KCNMA1: variants seen among roughly 807,000 people sequenced by gnomAD.
KCNMA1 encodes potassium calcium-activated channel subfamily M alpha 1.
KCNMA1 carries 29 observed loss-of-function variants against 140.0 expected under a neutral mutation model. The observed-to-expected ratio is 0.21, with a 90% CI of 0.15 to 0.28. The LOEUF is 0.28. Among genes scored for constraint, KCNMA1 ranks in the 10% least tolerant of loss-of-function variants. The pLI is 1.00. For missense variants in KCNMA1, 880 were observed against 1,602.2 expected (o/e 0.55, Z 7.70); for synonymous variants, 612 against 611.9 (o/e 1.00, Z 0.00).
intron 16 of KCNMA1, 166 bp from the exon 17 acceptor site, chr10:77,019,265 A>C: frequency 1.6e-6 from 1 of 625,598 alleles, no homozygotes; most frequent in Non-Finnish European, 2.9e-6. Context: ...CCATACATTT[A>C]GTTGGATAAT....
intron 2 of KCNMA1, among the ~76,000 whole-genome samples, chr10:77,351,940 T>C (rs1250663400): frequency 6.6e-6 from 1 of 152,220 alleles, no homozygotes; most frequent in Non-Finnish European, 1.5e-5. Flanking sequence ...TCACCAAAGG[T>C]GTCCACAACA....
At chr10:77,490,655 G>A (rs1176676708) in intron 1 of KCNMA1, among the ~76,000 whole-genome samples, 1 of 152,210 alleles carries the variant, frequency 6.6e-6, no homozygotes, top group Non-Finnish European at 1.5e-5. Context: ...ACATTTAGCA[G>A]TTGAAAAGAA....
At chr10:77,251,278 C>T in intron 2 of KCNMA1, 22 bp from the exon 3 acceptor site, 1 of 1,600,870 alleles carries the variant, frequency 6.2e-7, no homozygotes, top group Non-Finnish European at 8.6e-7. Context: ...GAGGAGAATG[C>T]CATCACTTAA....
At chr10:77,343,174 G>T (rs1177002630) in intron 2 of KCNMA1, among the ~76,000 whole-genome samples, 1 of 152,094 alleles carries the variant, frequency 6.6e-6, no homozygotes, top group Non-Finnish European at 1.5e-5. Context: ...GGGGTCGGGG[G>T]GTTACCAGAG....
At chr10:76,974,688 C>T in intron 19 of KCNMA1, 1 of 717,836 alleles carries the variant, frequency 1.4e-6, no homozygotes, top group Non-Finnish European at 2.3e-6. Flanking sequence ...GGAAGTTTCT[C>T]CCTCACAGCT....
intron 1 of KCNMA1, among the ~76,000 whole-genome samples, chr10:77,571,021 A>G (rs2071064949): frequency 6.6e-6 from 1 of 152,128 alleles, no homozygotes; most frequent in African/African-American, 2.4e-5. Context: ...ATGTGTGCCA[A>G]TTGCTGAAGA....
chr10:77,483,515 T>C (rs970510426), intron 1 of KCNMA1, among the ~76,000 whole-genome samples: 2 of 151,882 alleles, frequency 1.3e-5, no homozygotes, highest in East Asian at 3.9e-4. Flanking sequence ...AAAACTGGGG[T>C]GGAGGGCTCT....
chr10:77,538,069 TCACA>T (rs964596406), intron 1 of KCNMA1, among the ~76,000 whole-genome samples: 3 of 150,274 alleles, frequency 2.0e-5, no homozygotes, highest in African/African-American at 4.9e-5. Flanking sequence ...ACACACACAC[TCACA>T]CACATCCACA....
intron 1 of KCNMA1, among the ~76,000 whole-genome samples, chr10:77,618,160 A>G (rs747005723): frequency 6.6e-6 from 1 of 152,208 alleles, no homozygotes; most frequent in Non-Finnish European, 1.5e-5. Context: ...TTTCAGGTCC[A>G]CAAGTGAAAG....
intron 1 of KCNMA1, among the ~76,000 whole-genome samples, chr10:77,419,136 G>A (rs1172938622): frequency 6.6e-6 from 1 of 152,168 alleles, no homozygotes; most frequent in East Asian, 1.9e-4. Flanking sequence ...ACTGCACTGA[G>A]GTGGGGTGGC....
At chr10:76,930,122 A>T (rs1392780329) in intron 23 of KCNMA1, 1 of 152,184 alleles carries the variant, frequency 6.6e-6, no homozygotes, top group Non-Finnish European at 1.5e-5. Flanking sequence ...AGCAAAAATT[A>T]AAAAGCGGGA....
intron 3 of KCNMA1, among the ~76,000 whole-genome samples, chr10:77,210,462 T>C (rs898438741): frequency 6.6e-6 from 1 of 152,088 alleles, no homozygotes; most frequent in Admixed American, 6.5e-5. Context: ...AACATTATAC[T>C]GAATGGGCAA....
In KCNMA1 at chr10:76,886,138, G is replaced by A. The variant is rs200536880; in HGVS notation, c.*1128C>T. On this transcript the variant is annotated 3_prime_UTR_variant, in exon 28 of 28. Transcript: ENST00000286628. ...TACATTCTAATTTATTTAGCATGTC[G>A]GCTCCTAGAAAAGCATGATCTGCAG... 1.4e-4 allele frequency: 139 copies of A among 985,274 alleles called. No homozygotes were observed. Among genetic ancestry groups the A allele is most frequent in the Admixed American group, 3.1e-4 (5 of 16,252 alleles). 61.0% of individuals were successfully genotyped at this position (985,274 alleles called of 1,614,324 possible).
In KCNMA1 at chr10:77,262,992, C is replaced by T. The variant is rs114121767; in HGVS notation, c.541-11736G>A. ...AATGGCTGAAATGGTAAATCTTATGCATATTTTACTGCAATTTACAAAATG... is the reference window on the plus strand; with the variant it reads ...AATGGCTGAAATGGTAAATCTTATGTATATTTTACTGCAATTTACAAAATG... On this transcript the variant is annotated intron_variant, in intron 2 of 27. Coordinates refer to ENST00000286628, the MANE Select transcript of KCNMA1 (RefSeq NM_001161352.2). 3.9e-3 allele frequency among the ~76,000 whole-genome samples: 595 copies of T among 152,264 alleles called. 5 individuals carry two copies. Among genetic ancestry groups the T allele is most frequent in the African/African-American group, 0.014 (576 of 41,554 alleles).
intron 6 of KCNMA1, among the ~76,000 whole-genome samples, chr10:77,120,011 T>G (rs993049875): frequency 3.3e-5 from 5 of 152,238 alleles, no homozygotes; most frequent in African/African-American, 1.2e-4. Flanking sequence ...CAGCCTGTGT[T>G]ACCAGGAAAA....
At chr10:76,967,222 G>C (rs566925430) in intron 20 of KCNMA1, among the ~76,000 whole-genome samples, 10 of 152,286 alleles carry the variant, frequency 6.6e-5, no homozygotes, top group African/African-American at 2.4e-4. Context: ...CATTCAGAAT[G>C]ATTGATTCTG....
At chr10:77,495,613 A>G (rs2041624197) in intron 1 of KCNMA1, among the ~76,000 whole-genome samples, 1 of 152,282 alleles carries the variant, frequency 6.6e-6, no homozygotes, top group South Asian at 2.1e-4. Flanking sequence ...TACTCCCAAC[A>G]CATTCCCCTG....
chr10:77,059,146 C>T (rs1375578599), intron 14 of KCNMA1, among the ~76,000 whole-genome samples: 2 of 151,962 alleles, frequency 1.3e-5, no homozygotes, highest in South Asian at 4.2e-4. Flanking sequence ...TCACAACTCA[C>T]CCAAGATTAA....
At chr10:76,959,483 C>T (rs1456248568) in intron 20 of KCNMA1, among the ~76,000 whole-genome samples, 1 of 152,322 alleles carries the variant, frequency 6.6e-6, no homozygotes. Flanking sequence ...TAGCATTATT[C>T]AATGGATTCC....
Sources: allele counts gnomAD v4.1 joint callset (sites outside exome capture counted in the v4.1 genomes callset), GRCh38; gene constraint gnomAD v4.1.1; transcripts MANE v1.5; gene names NCBI Gene and HGNC (gene_info 2026-07-23, HGNC 2026-07-21).